The following ADARB2 variants were observed in gnomAD, a reference collection of about 807,000 sequenced individuals.
ADARB2 encodes the protein inactive double-stranded RNA-specific editase B2.
ADARB2 carries 25 observed loss-of-function variants against 62.2 expected under a neutral mutation model. The ratio of observed to expected loss-of-function variants is 0.40; its 90% confidence interval spans 0.29 to 0.56. The LOEUF is 0.56. Among genes scored for constraint, ADARB2 ranks in the 20% least tolerant of loss-of-function variants. The pLI, the probability that ADARB2 is intolerant of heterozygous loss-of-function variation, is 0.43. For missense variants in ADARB2, 1,071 were observed against 1,077.4 expected (o/e 0.99, Z 0.08); for synonymous variants, 572 against 500.8 (o/e 1.14, Z -1.90).
chr10:1,211,101 C>T (rs769670721), intron 7 of ADARB2, among the ~76,000 whole-genome samples: 21 of 152,290 alleles, frequency 1.4e-4, no homozygotes, highest in Non-Finnish European at 2.5e-4. Flanking sequence ...TCCCTCCCTC[C>T]CTCCTATCTA....
At chr10:1,347,713 G>A (rs1832093387) in intron 3 of ADARB2, among the ~76,000 whole-genome samples, 1 of 152,168 alleles carries the variant, frequency 6.6e-6, no homozygotes, top group African/African-American at 2.4e-5. Flanking sequence ...AGCCATCAAC[G>A]CCTCCCGACA....
chr10:1,264,560 C>A (rs781121492), intron 4 of ADARB2, among the ~76,000 whole-genome samples: 1 of 152,172 alleles, frequency 6.6e-6, no homozygotes, highest in African/African-American at 2.4e-5. Context: ...TTATTCAAGC[C>A]GAAAGCGTGG....
At chr10:1,688,839 T>C (rs908781113) in intron 1 of ADARB2, among the ~76,000 whole-genome samples, 1 of 152,234 alleles carries the variant, frequency 6.6e-6, no homozygotes, top group Non-Finnish European at 1.5e-5. Context: ...TTTCTACTTC[T>C]GTTACCTAAG....
Position 1,275,244 on chromosome 10 carries a change from A to G in ADARB2, c.1078-4175T>C, listed in dbSNP as rs201158877. The stretch of plus-strand genomic sequence containing the variant: ...GGAGAGTGATGCTCAGCTTTCTTCT[A>G]GAGTGACAAGGGCCCCTGGCTGGTA... On this transcript the variant is annotated intron_variant, in intron 3 of 9. Coordinates refer to ENST00000381312, the MANE Select transcript of ADARB2 (RefSeq NM_018702.4). 1.3e-4 allele frequency among the ~76,000 whole-genome samples: 20 copies of G among 152,334 alleles called. No individual in the cohort carries two copies. In the East Asian group the frequency reaches 3.7e-3, roughly 28 times the overall value.
Position 1,297,302 on chromosome 10 carries a change from G to A in ADARB2, c.1078-26233C>T, listed in dbSNP as rs577275971. On this transcript the variant is annotated intron_variant, in intron 3 of 9. Transcript: ENST00000381312. The stretch of plus-strand genomic sequence containing the variant: ...CCCCGTCAGCCGTGGTTATGGACCC[G>A]CAGGTGTTATGTTTCTTCACTGCAA... Among the ~76,000 whole-genome samples, 19 of 152,294 alleles carry A rather than the reference G, an allele frequency of 1.2e-4. No individual in the cohort carries two copies. The South Asian group carries it at 3.7e-3, about 30-fold the overall frequency.
At chr10:1,574,879 G>A (rs1832989012) in intron 1 of ADARB2, among the ~76,000 whole-genome samples, 1 of 152,206 alleles carries the variant, frequency 6.6e-6, no homozygotes, top group Admixed American at 6.5e-5. Context: ...TATGTTGGCA[G>A]AGTGGAGAGG....
At chr10:1,222,400 G>A (rs1830702977) in intron 6 of ADARB2, among the ~76,000 whole-genome samples, 2 of 152,016 alleles carry the variant, frequency 1.3e-5, no homozygotes, top group East Asian at 3.9e-4. Context: ...CTTTTGCTGT[G>A]CAGAAGCTCT....
At chr10:1,413,089 A>G (rs999735997) in intron 1 of ADARB2, among the ~76,000 whole-genome samples, 1 of 152,206 alleles carries the variant, frequency 6.6e-6, no homozygotes. Context: ...GAGCCCAGCC[A>G]TGCATACTCT....
Position 1,363,039 on chromosome 10 carries a change from G to T in ADARB2, c.1066C>A (p.Pro356Thr). The T allele has an allele frequency of 7.2e-7, 1 of 1,397,948 alleles. No homozygotes were observed. The highest frequency in any genetic ancestry group is 9.3e-7 in the Non-Finnish European group (1 of 1,074,658). The allele number at this position is 1,397,948 out of a possible 1,614,324, so 86.6% of individuals were successfully genotyped here. ...GCCGCGCCCCTCACCTGCGGCATTG[G>T]CGTCCTCCTGGCCCTGCCGGGCGCG... ...GHAPGRARRT[P>T]MPQEFADSIS... is the part of the protein sequence containing the mutation. The change falls in exon 3 of 10, where the codon CCA (proline) becomes ACA (threonine). Residue 356 changes from proline to threonine, a missense_variant. By Grantham distance (38) the Pro-to-Thr change is conservative. Transcript: ENST00000381312.
intron 1 of ADARB2, among the ~76,000 whole-genome samples, chr10:1,439,979 A>T (rs1830884572): frequency 6.9e-6 from 1 of 144,240 alleles, no homozygotes; most frequent in South Asian, 2.3e-4. Context: ...CAGTTTCTTC[A>T]CTATGGGGCT....
chr10:1,436,393 G>A (rs1480925162), intron 1 of ADARB2, among the ~76,000 whole-genome samples: 2 of 152,118 alleles, frequency 1.3e-5, no homozygotes, highest in South Asian at 2.1e-4. Flanking sequence ...CTTACTTCTC[G>A]TGAGCAAAAG....
At chr10:1,397,924 T>G (rs1252500240) in intron 1 of ADARB2, among the ~76,000 whole-genome samples, 1 of 98,754 alleles carries the variant, frequency 1.0e-5, no homozygotes, top group Admixed American at 1.0e-4. Context: ...GTCACCGTCC[T>G]CCTCTCCCCT....
At chr10:1,433,351 C>A (rs146117478) in intron 1 of ADARB2, among the ~76,000 whole-genome samples, 1 of 152,036 alleles carries the variant, frequency 6.6e-6, no homozygotes, top group Non-Finnish European at 1.5e-5. Context: ...GCAGGGAGGA[C>A]GTATGGTTTG....
At chr10:1,369,510 G>A (rs2131854236) in intron 2 of ADARB2, among the ~76,000 whole-genome samples, 1 of 152,286 alleles carries the variant, frequency 6.6e-6, no homozygotes, top group African/African-American at 2.4e-5. Context: ...GTTCCCGCTG[G>A]CCAGCAGGGA....
intron 1 of ADARB2, among the ~76,000 whole-genome samples, chr10:1,442,340 C>A (rs1378239849): frequency 1.3e-5 from 2 of 152,172 alleles, no homozygotes; most frequent in African/African-American, 4.8e-5. Flanking sequence ...TAAGCATCAC[C>A]CTGTGGAATT....
intron 1 of ADARB2, among the ~76,000 whole-genome samples, chr10:1,492,358 C>T (rs1041119823): frequency 6.6e-6 from 1 of 152,122 alleles, no homozygotes; most frequent in Non-Finnish European, 1.5e-5. Flanking sequence ...GGAGACCCCA[C>T]TGCGGTAGAG....
In ADARB2 at chr10:1,398,665, T is replaced by C. The variant is rs901089400; in HGVS notation, c.101-19505A>G. On this transcript the variant is annotated intron_variant, in intron 1 of 9. Coordinates refer to ENST00000381312, the MANE Select transcript of ADARB2 (RefSeq NM_018702.4). This position sits in a 1 kb window ranked among gnomAD's most constrained non-coding sequence, Gnocchi z 4.1. ...TAGGCTAAGGAACAATTGATCAATA[T>C]AAATAAAGTTTTAACGGTGGAATTT... is the stretch of plus-strand genomic sequence containing the variant. Among the ~76,000 whole-genome samples the C allele has an allele frequency of 1.3e-5, 2 of 152,230 alleles. No individual in the cohort carries two copies. Among genetic ancestry groups the C allele is most frequent in the African/African-American group, 4.8e-5 (2 of 41,474 alleles).
At chr10:1,352,472 GA>G (rs1370895304) in intron 3 of ADARB2, among the ~76,000 whole-genome samples, 3 of 152,092 alleles carry the variant, frequency 2.0e-5, no homozygotes, top group African/African-American at 7.2e-5. Flanking sequence ...ACCCACAGCT[GA>G]AGTGCAGGGC....
intron 1 of ADARB2, among the ~76,000 whole-genome samples, chr10:1,604,407 C>A (rs1453180984): frequency 1.3e-5 from 2 of 152,168 alleles, no homozygotes; most frequent in African/African-American, 4.8e-5. Flanking sequence ...TCCCTGTGAT[C>A]TCCAGGCTGG....
Sources: gnomAD v4.1 joint callset for allele counts (sites outside exome capture counted in the v4.1 genomes callset) on GRCh38, gnomAD v4.1.1 for gene constraint, Gnocchi (gnomAD v3.1) non-coding constraint, MANE v1.5 for transcripts, NCBI Gene and HGNC (gene_info 2026-07-23, HGNC 2026-07-21) for gene names.